Variants in TLE3 observed in about 807,000 individuals in gnomAD.
The protein encoded by TLE3 is TLE family member 3, transcriptional corepressor, also known as transducin-like enhancer protein 3.
A neutral mutation model predicts 93.0 loss-of-function variants in TLE3; 14 were observed. The ratio of observed to expected loss-of-function variants is 0.15; its 90% CI spans 0.10 to 0.24. TLE3 has a LOEUF of 0.24. Ranked by LOEUF, TLE3 falls within the 10% of genes least tolerant of loss-of-function variation. TLE3 has a pLI of 1.00. For missense variants in TLE3, 693 were observed against 1,046.6 expected (o/e 0.66, Z 4.66); for synonymous variants, 451 against 425.0 (o/e 1.06, Z -0.75).
chr15:70,095,770 A>C, intron 2 of TLE3, 129 bp from the exon 3 acceptor site: 301 of 1,059,260 alleles, frequency 2.8e-4, no homozygotes, highest in Middle Eastern at 5.6e-4. Flanking sequence ...CCATTATCCC[A>C]CAGCCTGGGG....
chr15:70,066,949 G>C (rs1342245451), intron 6 of TLE3: 2 of 364,214 alleles, frequency 5.5e-6, no homozygotes, highest in Non-Finnish European at 1.1e-5. Flanking sequence ...TCTGTAAAGG[G>C]GGAAAGCAGC....
chr15:70,055,444 C>G (rs565851993), intron 14 of TLE3, 146 bp from the exon 15 acceptor site: 63 of 1,154,300 alleles, frequency 5.5e-5, no homozygotes, highest in Admixed American at 1.1e-4. Context: ...ACCCAGTAAC[C>G]CCATGTACTG....
chr15:70,050,340 G>A (rs982146366), intron 19 of TLE3, 136 bp from the exon 20 acceptor site: 1 of 695,026 alleles, frequency 1.4e-6, no homozygotes, highest in Admixed American at 2.1e-5. Flanking sequence ...CCTCTCTGAT[G>A]CTCCGACCTG....
At chr15:70,078,719 T>C (rs1260540916) in intron 4 of TLE3, among the ~76,000 whole-genome samples, 1 of 152,132 alleles carries the variant, frequency 6.6e-6, no homozygotes, top group Non-Finnish European at 1.5e-5. Context: ...GCCAGGCCAA[T>C]CGCAAGCCAC....
At chr15:70,061,937 A>G (rs2056503720) in intron 8 of TLE3, among the ~76,000 whole-genome samples, 1 of 152,224 alleles carries the variant, frequency 6.6e-6, no homozygotes, top group Non-Finnish European at 1.5e-5. Context: ...ATCAGAAGGC[A>G]AGTGGAATGA....
Position 70,053,837 on chromosome 15 carries a change from C to T in TLE3, c.1827-463G>A, listed in dbSNP as rs59201335. ...CCCTCAATTTGCCCTCTTAATCTAT[C>T]TCTTCATCCTGCATGAACTATGGGG... On this transcript the variant is annotated intron_variant, in intron 16 of 19. Transcript: ENST00000451782. The T allele has an allele frequency of 5.1e-3, 815 of 159,894 alleles. 6 individuals carry two copies. Among genetic ancestry groups the T allele is most frequent in the African/African-American group, 0.019 (789 of 41,780 alleles). The allele number at this position is 159,894 out of a possible 1,614,324, so 9.9% of individuals were successfully genotyped here.
Position 70,097,891 on chromosome 15 carries a change from C to A in TLE3, c.-1093G>T. The A allele has an allele frequency of 3.4e-6, 1 of 290,278 alleles. No individual in the cohort carries two copies. Among genetic ancestry groups the A allele is most frequent in the East Asian group, 5.5e-5 (1 of 18,298 alleles). 18.0% of individuals were successfully genotyped at this position (290,278 alleles called of 1,614,324 possible). ...GGGGACGAGCACGAGGTCTGAACTG[C>A]CGCGAGAGCAGTTCCAAATAGGGAC... On this transcript the variant is annotated 5_prime_UTR_variant, in exon 1 of 20. Coordinates refer to ENST00000451782, the MANE Select transcript of TLE3 (RefSeq NM_001105192.3).
chr15:70,070,894 G>A (rs1389964265), intron 6 of TLE3, among the ~76,000 whole-genome samples: 2 of 152,090 alleles, frequency 1.3e-5, no homozygotes, highest in African/African-American at 4.8e-5. Flanking sequence ...TGTATTTTGT[G>A]ACAAGCTACA....
At chr15:70,075,551 G>C (rs947691758) in intron 5 of TLE3, among the ~76,000 whole-genome samples, 2 of 152,232 alleles carry the variant, frequency 1.3e-5, no homozygotes, top group Non-Finnish European at 2.9e-5. Flanking sequence ...GCCCTGGCTG[G>C]AGTGAAATCA....
chr15:70,060,760 G>A lies in TLE3; in HGVS notation c.595-111C>T, dbSNP rs150269641. 1.1e-3 allele frequency: 1,766 copies of A among 1,538,088 alleles called. 11 individuals are homozygous for A. Among genetic ancestry groups the A allele is most frequent in the Middle Eastern group, 0.011 (66 of 5,860 alleles). ...ACGGAGGTCAGGGGAGGGAAGAGAAGCTGAACTCCTCTCTGCCCTGCAGAT... is the reference window on the plus strand; with the variant it reads ...ACGGAGGTCAGGGGAGGGAAGAGAAACTGAACTCCTCTCTGCCCTGCAGAT... On this transcript the variant is annotated intron_variant, in intron 8 of 19. Transcript: ENST00000451782.
At chr15:70,078,687 C>T (rs534562455) in intron 4 of TLE3, among the ~76,000 whole-genome samples, 6 of 152,324 alleles carry the variant, frequency 3.9e-5, no homozygotes, top group Admixed American at 1.3e-4. Context: ...CCTTCACCAA[C>T]GGGGTGGGGT....
intron 4 of TLE3, among the ~76,000 whole-genome samples, chr15:70,081,454 T>C (rs2057774286): frequency 6.6e-6 from 1 of 152,238 alleles, no homozygotes; most frequent in Non-Finnish European, 1.5e-5. Flanking sequence ...CATTCAAATC[T>C]GTCCATCAGC....
intron 6 of TLE3, among the ~76,000 whole-genome samples, chr15:70,069,359 A>C (rs1235285638): frequency 6.6e-6 from 1 of 152,168 alleles, no homozygotes; most frequent in East Asian, 1.9e-4. Context: ...CTTGCCCAAA[A>C]CATGAACCAG....
intron 6 of TLE3, chr15:70,066,516 G>T (rs1566537): frequency 0.95 from 334,015 of 350,788 alleles, 161,291 homozygotes; most frequent in East Asian, 1. Flanking sequence ...CTGAGATAAA[G>T]AATGCATGCA....
chr15:70,062,284 GTCATT>G (rs2056535381), intron 8 of TLE3, among the ~76,000 whole-genome samples: 1 of 152,184 alleles, frequency 6.6e-6, no homozygotes, highest in South Asian at 2.1e-4. Flanking sequence ...AAAAATCACC[GTCATT>G]TCATTTCATT....
intron 4 of TLE3, among the ~76,000 whole-genome samples, chr15:70,093,935 G>A (rs1334630008): frequency 6.6e-6 from 1 of 152,170 alleles, no homozygotes; most frequent in Non-Finnish European, 1.5e-5. Context: ...TCTGTAAAAT[G>A]GGAACTCGGC....
At chr15:70,084,645 G>A (rs1567044481) in intron 4 of TLE3, among the ~76,000 whole-genome samples, 3 of 152,196 alleles carry the variant, frequency 2.0e-5, no homozygotes, top group African/African-American at 7.2e-5. Flanking sequence ...GTTCTGAATT[G>A]GCCACTGGTC....
At chr15:70,051,555 A>C (rs1447404980) in intron 18 of TLE3, 88 bp from the exon 19 acceptor site, 1 of 1,227,528 alleles carries the variant, frequency 8.1e-7, no homozygotes, top group Non-Finnish European at 1.1e-6. Flanking sequence ...GCTGCCATAG[A>C]AAAGCAGTGA....
Position 70,066,011 on chromosome 15 carries a change from C to A in TLE3, c.577+3G>T, listed in dbSNP as rs1186952242. 6.2e-7 allele frequency: 1 copy of A among 1,612,688 alleles called. No individual in the cohort carries two copies. Among genetic ancestry groups the A allele is most frequent in the East Asian group, 2.2e-5 (1 of 44,808 alleles). On this transcript the variant is annotated splice_donor_region_variant and intron_variant, in intron 7 of 19. Transcript: ENST00000451782. ...CCCACCCTCTGCCCCAGCCCAGCCGCACCTCTGTGATCGAGTTCATGGTGG... is the reference window on the plus strand; with the variant it reads ...CCCACCCTCTGCCCCAGCCCAGCCGAACCTCTGTGATCGAGTTCATGGTGG...
Sources: gnomAD v4.1 joint callset for allele counts (sites outside exome capture counted in the v4.1 genomes callset) on GRCh38, gnomAD v4.1.1 for gene constraint, MANE v1.5 for transcripts, NCBI Gene and HGNC (gene_info 2026-07-23, HGNC 2026-07-21) for gene names.